CCL24: variants seen among roughly 807,000 people sequenced by gnomAD.
The protein encoded by CCL24 is C-C motif chemokine 24.
In CCL24, 6 loss-of-function variants were observed where a neutral mutation model predicts 8.6. The observed-to-expected ratio is 0.70, with a 90% confidence interval of 0.38 to 1.38. CCL24 has a LOEUF of 1.38. Ranked by LOEUF, CCL24 falls within the 40% of genes most tolerant of loss-of-function variation. The pLI, the probability that CCL24 is intolerant of heterozygous loss-of-function variation, is 0.02. For synonymous variants in CCL24, 59 were observed against 52.7 expected (o/e 1.12, Z -0.52); for missense variants, 126 against 147.1 (o/e 0.86, Z 0.74).
upstream of CCL24, among the ~76,000 whole-genome samples, chr7:75,817,756 G>A (rs1803922790): frequency 6.6e-6 from 1 of 151,704 alleles, no homozygotes; most frequent in South Asian, 2.1e-4. Flanking sequence ...ACCCACCTCG[G>A]CCTCCCAAAG....
chr7:75,815,461 G>T (rs1207252272), upstream of CCL24, among the ~76,000 whole-genome samples: 2 of 151,632 alleles, frequency 1.3e-5, no homozygotes, highest in African/African-American at 4.8e-5. Context: ...GCTCAACATA[G>T]CAAAACCCCG....
chr7:75,813,522 T>G (rs1554533733), intron 1 of CCL24, 99 bp from the exon 2 acceptor site: 1 of 1,243,646 alleles, frequency 8.0e-7, no homozygotes, highest in Non-Finnish European at 1.2e-6. Flanking sequence ...ACACCGCCAG[T>G]CCATTCACTG....
upstream of CCL24, chr7:75,813,837 G>C: frequency 1.4e-6 from 1 of 697,710 alleles, no homozygotes; most frequent in South Asian, 1.6e-5. Flanking sequence ...GCCCTTTATG[G>C]GGCAACTAGA....
Position 75,811,646 on chromosome 7 carries a change from G to A in CCL24, c.*150C>T, listed in dbSNP as rs1424162476. 7 of 664,042 alleles carry A rather than the reference G, an allele frequency of 1.1e-5. No homozygotes were observed. The highest frequency in any genetic ancestry group is 6.6e-5 in the South Asian group (3 of 45,338). 41.1% of individuals were successfully genotyped at this position (664,042 alleles called of 1,614,324 possible). On this transcript the variant is annotated 3_prime_UTR_variant, in exon 3 of 3. Transcript: ENST00000222902. The stretch of plus-strand genomic sequence containing the variant: ...CGGGAACCACATCACCTGCTCCCTC[G>A]GGTTTTTCATAGAAGAGACACATCC...
intron 1 of CCL24, among the ~76,000 whole-genome samples, chr7:75,822,515 A>G (rs1047608331): frequency 6.6e-6 from 1 of 151,910 alleles, no homozygotes; most frequent in African/African-American, 2.4e-5. Context: ...TTATCCTCTT[A>G]TTGTCCCCAT....
At chr7:75,816,571 A>ATTTAT (rs139417962), upstream of CCL24, among the ~76,000 whole-genome samples, 12,906 of 151,588 alleles carry the variant, frequency 0.085, 809 homozygotes, top group East Asian at 0.16. Flanking sequence ...TTATTTATTT[A>ATTTAT]TTATTTTTGA....
intron 1 of CCL24, among the ~76,000 whole-genome samples, chr7:75,820,133 C>CTTCTTCTTCTTCTTCTTCTTCTTCTT (rs1563354037): frequency 6.6e-4 from 52 of 78,556 alleles, no homozygotes; most frequent in South Asian, 1.0e-3. Flanking sequence ...TTCTTCTTCT[C>CTTCTTCTTCTTCTTCTTCTTCTTCTT]CTCCTCCTCC....
chr7:75,816,271 T>A (rs3757597), upstream of CCL24, among the ~76,000 whole-genome samples: 14,579 of 152,212 alleles, frequency 0.096, 1,000 homozygotes, highest in East Asian at 0.16. Context: ...AACTGGAGCC[T>A]GCGTGTACAC....
At chr7:75,816,924 G>T (rs1554534226), upstream of CCL24, among the ~76,000 whole-genome samples, 2 of 151,726 alleles carry the variant, frequency 1.3e-5, no homozygotes, top group African/African-American at 4.8e-5. Flanking sequence ...GAGTGCAGTG[G>T]TGTGATCATA....
At chr7:75,815,041 C>T (rs1803860596), upstream of CCL24, among the ~76,000 whole-genome samples, 1 of 152,090 alleles carries the variant, frequency 6.6e-6, no homozygotes, top group East Asian at 1.9e-4. Context: ...GGAAGGGAAA[C>T]ATAGGAGAAA....
chr7:75,813,917 AGTT>A (rs1803832088), upstream of CCL24: 4 of 475,616 alleles, frequency 8.4e-6, no homozygotes, highest in South Asian at 2.1e-5. Flanking sequence ...GGAAAGAGGA[AGTT>A]GTTGTCCCGT....
At chr7:75,819,401 G>A (rs1240762953) in intron 1 of CCL24, among the ~76,000 whole-genome samples, 2 of 140,234 alleles carry the variant, frequency 1.4e-5, no homozygotes, top group Non-Finnish European at 3.1e-5. Context: ...GAGGCAGGAG[G>A]ATTGCTTGAG....
chr7:75,814,748 C>A (rs553940531), upstream of CCL24, among the ~76,000 whole-genome samples: 1 of 152,066 alleles, frequency 6.6e-6, no homozygotes, highest in Non-Finnish European at 1.5e-5. Flanking sequence ...GTGGGAAATG[C>A]CTGGAAATTC....
At chr7:75,815,922 TGTC>T (rs1803880319), upstream of CCL24, among the ~76,000 whole-genome samples, 1 of 152,186 alleles carries the variant, frequency 6.6e-6, no homozygotes. Context: ...AGATTTGTGC[TGTC>T]TCCAACACTC....
chr7:75,822,492 C>T lies in CCL24; in HGVS notation c.-60+830G>A, dbSNP rs536799862. On this transcript the variant is annotated intron_variant, in intron 1 of 3. Coordinates refer to the CCL24 transcript ENST00000416943. Reference sequence around the variant, plus strand: ...GTTCCCCTAAAGCCCTACATGGCTCCTCTGAACTCATCTTATCCTCTTATT... The same window carrying T: ...GTTCCCCTAAAGCCCTACATGGCTCTTCTGAACTCATCTTATCCTCTTATT... 2.0e-5 allele frequency among the ~76,000 whole-genome samples: 3 copies of T among 152,286 alleles called. No homozygotes were observed. In the East Asian group the frequency reaches 5.8e-4, roughly 29 times the overall value.
intron 1 of CCL24, among the ~76,000 whole-genome samples, chr7:75,820,124 T>TCTTC (rs1563354009): frequency 4.5e-5 from 6 of 132,498 alleles, no homozygotes; most frequent in African/African-American, 1.6e-4. Context: ...TTCTTCTTCT[T>TCTTC]CTTCTTCTCC....
At chr7:75,815,133 G>GT (rs546988861), upstream of CCL24, among the ~76,000 whole-genome samples, 288 of 152,072 alleles carry the variant, frequency 1.9e-3, 3 homozygotes, top group Non-Finnish European at 3.7e-3. Flanking sequence ...GAGGCCAGGA[G>GT]TTTGAGACCA....
Position 75,811,813 on chromosome 7 carries a change from T to C in CCL24, c.343A>G (p.Asn115Asp). The C allele has an allele frequency of 6.2e-7, 1 of 1,613,540 alleles. No individual in the cohort carries two copies. The highest frequency in any genetic ancestry group is 1.1e-5 in the South Asian group (1 of 91,008). ...VKGPVQRYPG[N>D]QTTC ...GGCGGGGATTAGCAGGTGGTTTGGT[T>C]GCCAGGATATCTCTGGACAGGGCCC... The change falls in exon 3 of 3, where the codon AAC (asparagine) becomes GAC (aspartate). Residue 115 changes from asparagine (N) to aspartate (D), a missense_variant. Asn to Asp is a conservative substitution (Grantham distance 23). Transcript: ENST00000222902.
upstream of CCL24, among the ~76,000 whole-genome samples, chr7:75,818,120 C>T (rs1485195978): frequency 2.0e-5 from 3 of 152,068 alleles, no homozygotes; most frequent in Non-Finnish European, 4.4e-5. Flanking sequence ...CATGAGCCAC[C>T]TCACCCAACC....
Sources: allele counts gnomAD v4.1 joint callset (sites outside exome capture counted in the v4.1 genomes callset), GRCh38; gene constraint gnomAD v4.1.1; transcripts MANE v1.5; gene names NCBI Gene and HGNC (gene_info 2026-07-23, HGNC 2026-07-21).